CEP112: variants seen among roughly 807,000 people sequenced by gnomAD.
The protein encoded by CEP112 is centrosomal protein 112, also known as centrosomal protein of 112 kDa.
CEP112 carries 127 observed loss-of-function variants against 153.0 expected under a neutral mutation model. That is an observed-to-expected ratio of 0.83 (90% CI 0.72 to 0.96). The LOEUF is 0.96. Ranked by LOEUF, CEP112 falls within the 40% of genes least tolerant of loss-of-function variation. The probability of loss-of-function intolerance (pLI) is 0.00; values close to 1 mark genes in which losing one functional copy is unlikely to be tolerated. For missense variants in CEP112, 1,089 were observed against 1,101.2 expected, an observed-to-expected ratio of 0.99 and a Z score of 0.16; for synonymous variants, 358 against 374.4, an observed-to-expected ratio of 0.96 and a Z score of 0.51.
intron 15 of CEP112, 48 bp from the exon 16 acceptor site, chr17:66,027,608 A>C (rs907999687): frequency 6.3e-6 from 7 of 1,115,774 alleles, no homozygotes; most frequent in African/African-American, 4.9e-5. Context: ...ATTATACTAG[A>C]GTCAATAAAA....
intron 21 of CEP112, among the ~76,000 whole-genome samples, chr17:65,774,780 G>A (rs1314794500): frequency 1.3e-5 from 2 of 152,096 alleles, no homozygotes; most frequent in African/African-American, 4.8e-5. Context: ...AGTTTCTGCT[G>A]CACAGCCAAA....
At chr17:66,005,568 G>T in intron 17 of CEP112, 122 bp downstream of exon 17, 1 of 1,199,686 alleles carries the variant, frequency 8.3e-7, no homozygotes, top group East Asian at 3.1e-5. Flanking sequence ...ATGGGAAACT[G>T]ATGCAAACGA....
chr17:65,802,974 A>T (rs1385315177), intron 21 of CEP112, among the ~76,000 whole-genome samples: 1 of 152,218 alleles, frequency 6.6e-6, no homozygotes. Flanking sequence ...CAGAAATGAC[A>T]CCACTTGAAA....
At chr17:65,748,735 G>A (rs941931193) in intron 22 of CEP112, among the ~76,000 whole-genome samples, 2 of 152,216 alleles carry the variant, frequency 1.3e-5, no homozygotes, top group African/African-American at 4.8e-5. Context: ...GGTCACGGAA[G>A]TGGTAGGGCT....
intron 21 of CEP112, among the ~76,000 whole-genome samples, chr17:65,834,672 C>CAATA (rs1004299594): frequency 6.6e-6 from 1 of 152,090 alleles, no homozygotes; most frequent in Non-Finnish European, 1.5e-5. Flanking sequence ...GTCAGAATGG[C>CAATA]TATTAGTAAA....
chr17:66,109,338 A>G (rs540702009), intron 6 of CEP112, among the ~76,000 whole-genome samples: 2 of 152,272 alleles, frequency 1.3e-5, no homozygotes, highest in Admixed American at 6.5e-5. Flanking sequence ...TCCTGATGTC[A>G]TTATTATGTA....
chr17:65,929,926 G>T (rs1441231586), intron 18 of CEP112, among the ~76,000 whole-genome samples: 1 of 152,198 alleles, frequency 6.6e-6, no homozygotes, highest in African/African-American at 2.4e-5. Context: ...ATGAGAAAGA[G>T]ATGTTCTTAC....
At chr17:66,163,758 C>T (rs1301194558) in intron 4 of CEP112, among the ~76,000 whole-genome samples, 1 of 152,030 alleles carries the variant, frequency 6.6e-6, no homozygotes, top group Non-Finnish European at 1.5e-5. Context: ...ATATCTCTGA[C>T]TTAGAACACT....
intron 4 of CEP112, among the ~76,000 whole-genome samples, chr17:66,156,189 C>G (rs2071431853): frequency 6.6e-6 from 1 of 152,176 alleles, no homozygotes; most frequent in East Asian, 1.9e-4. Context: ...GAGGAAGGAA[C>G]AGACAGCAAT....
At chr17:66,032,483 T>G (rs1174454663) in intron 12 of CEP112, among the ~76,000 whole-genome samples, 1 of 152,156 alleles carries the variant, frequency 6.6e-6, no homozygotes, top group Non-Finnish European at 1.5e-5. Flanking sequence ...AGTTGAGACC[T>G]GTGTTGAGGA....
At chr17:65,969,877 G>C (rs529637374) in intron 17 of CEP112, among the ~76,000 whole-genome samples, 1 of 152,280 alleles carries the variant, frequency 6.6e-6, no homozygotes, top group East Asian at 1.9e-4. Context: ...TGTGCATTAT[G>C]TGTAAATTAC....
At chr17:65,960,724 T>C (rs1284858925) in intron 18 of CEP112, among the ~76,000 whole-genome samples, 1 of 152,214 alleles carries the variant, frequency 6.6e-6, no homozygotes, top group Non-Finnish European at 1.5e-5. Context: ...TTTTTCCAAA[T>C]ATTTTCGATC....
At chr17:66,038,939 G>A (rs1431811558) in intron 12 of CEP112, among the ~76,000 whole-genome samples, 2 of 152,150 alleles carry the variant, frequency 1.3e-5, no homozygotes, top group Non-Finnish European at 2.9e-5. Flanking sequence ...CAGGAATGAG[G>A]CAACAACGGC....
intron 21 of CEP112, among the ~76,000 whole-genome samples, chr17:65,848,497 T>C: frequency 6.6e-6 from 1 of 152,164 alleles, no homozygotes; most frequent in East Asian, 1.9e-4. Context: ...CCCTGGCCTC[T>C]CAAATGGAGC....
chr17:65,844,019 C>T (rs2057624835), intron 21 of CEP112, among the ~76,000 whole-genome samples: 1 of 151,974 alleles, frequency 6.6e-6, no homozygotes, highest in Non-Finnish European at 1.5e-5. Flanking sequence ...ATTAGATGAG[C>T]TGATGAGAAA....
intron 17 of CEP112, among the ~76,000 whole-genome samples, chr17:65,969,854 C>T (rs1483034244): frequency 6.6e-6 from 1 of 152,134 alleles, no homozygotes; most frequent in Non-Finnish European, 1.5e-5. Flanking sequence ...ATATAGCATG[C>T]ATGCAAATTA....
At chr17:65,888,582 T>C (rs977588055) in intron 20 of CEP112, among the ~76,000 whole-genome samples, 1 of 152,208 alleles carries the variant, frequency 6.6e-6, no homozygotes, top group African/African-American at 2.4e-5. Flanking sequence ...TTTTACTGTA[T>C]ATATTTATCC....
intron 6 of CEP112, among the ~76,000 whole-genome samples, chr17:66,110,504 A>G (rs1598370934): frequency 1.3e-5 from 2 of 152,098 alleles, no homozygotes; most frequent in Admixed American, 1.3e-4. Flanking sequence ...AAAGAAGGGA[A>G]TGTTCAATAA....
intron 19 of CEP112, among the ~76,000 whole-genome samples, chr17:65,927,362 TCAAA>T (rs1237797836): frequency 6.6e-6 from 1 of 152,170 alleles, no homozygotes; most frequent in Non-Finnish European, 1.5e-5. Context: ...GATGTTTCAA[TCAAA>T]CATTCAGATA....
Sources: allele counts gnomAD v4.1 joint callset (sites outside exome capture counted in the v4.1 genomes callset), GRCh38; gene constraint gnomAD v4.1.1; transcripts MANE v1.5; gene names NCBI Gene and HGNC (gene_info 2026-07-23, HGNC 2026-07-21).